The following SMCO2 variants were observed in gnomAD, a reference collection of about 807,000 sequenced individuals.
SMCO2 encodes the protein single-pass membrane protein with coiled-coil domains 2, also known as single-pass membrane and coiled-coil domain-containing protein 2.
SMCO2 carries 25 observed loss-of-function variants against 29.5 expected under a neutral mutation model. The ratio of observed to expected loss-of-function variants is 0.85; its 90% CI spans 0.62 to 1.18. SMCO2 has a LOEUF of 1.18. Ranked by LOEUF, SMCO2 falls within the 50% of genes most tolerant of loss-of-function variation. SMCO2 has a pLI of 0.00. For missense variants in SMCO2, 348 were observed against 344.5 expected, an observed-to-expected ratio of 1.01 and a Z score of -0.08; for synonymous variants, 117 against 123.3, an observed-to-expected ratio of 0.95 and a Z score of 0.34.
chr12:27,494,322 A>G (rs1432211887), exon 6 of SMCO2: 1 of 1,524,782 alleles, frequency 6.6e-7, no homozygotes, highest in East Asian at 2.6e-5. Flanking sequence ...AATGAAGTTT[A>G]TGAATTAAAG....
At chr12:27,448,602 C>A in the SMCO2 span, among the ~76,000 whole-genome samples, 2 of 152,012 alleles carry the variant, frequency 1.3e-5, no homozygotes, top group African/African-American at 2.4e-5. Flanking sequence ...GCTCTGGGAC[C>A]CTTGGGATTA....
At chr12:27,470,564 G>T (rs1949532671) in intron 1 of SMCO2, 58 bp from the exon 2 acceptor site, 15 of 1,523,818 alleles carry the variant, frequency 9.8e-6, no homozygotes, top group Non-Finnish European at 1.2e-5. Flanking sequence ...TCAATGAAGA[G>T]GATGTGGTTG....
intron 6 of SMCO2, 131 bp downstream of exon 7, chr12:27,494,487 TTTATTATTATTATTATTA>T (rs60980302): frequency 2.3e-5 from 4 of 176,494 alleles, no homozygotes; most frequent in African/African-American, 7.6e-5. Context: ...TTTAATTTAA[TTTATTATTATTATTATTA>T]TTATTATTAT....
the SMCO2 span, among the ~76,000 whole-genome samples, chr12:27,438,233 G>A: frequency 2.6e-5 from 4 of 152,056 alleles, no homozygotes; most frequent in African/African-American, 7.2e-5. Context: ...TAACCCGCTG[G>A]CCATTCAAAT....
exon 6 of SMCO2, chr12:27,494,344 A>G (rs2135575803): frequency 6.6e-7 from 1 of 1,525,752 alleles, no homozygotes; most frequent in Non-Finnish European, 8.8e-7. Flanking sequence ...AGAAAGTCAT[A>G]GAAAGGCTGG....
exon 8 of SMCO2, chr12:27,501,973 G>A: frequency 6.5e-7 from 1 of 1,547,242 alleles, no homozygotes; most frequent in South Asian, 1.2e-5. Flanking sequence ...ACCGTCACTG[G>A]ACTTTTATGT....
At chr12:27,458,973 G>A in the SMCO2 span, among the ~76,000 whole-genome samples, 3 of 151,376 alleles carry the variant, frequency 2.0e-5, no homozygotes, top group East Asian at 3.9e-4. Context: ...AGATCACGAT[G>A]TCAGAAGATC....
At chr12:27,499,332 A>C (rs1235841691) in intron 7 of SMCO2, among the ~76,000 whole-genome samples, 1 of 150,884 alleles carries the variant, frequency 6.6e-6, no homozygotes, top group African/African-American at 2.5e-5. Context: ...ACAGCCAGAC[A>C]CAGAGGGATA....
chr12:27,495,777 C>T (rs3751223), exon 7 of SMCO2: 115,045 of 1,538,566 alleles, frequency 0.075, 8,995 homozygotes, highest in East Asian at 0.29. Context: ...GAAATAGATA[C>T]GGAAGAGATG....
At chr12:27,485,940 T>C (rs554164867) in intron 4 of SMCO2, among the ~76,000 whole-genome samples, 6 of 152,224 alleles carry the variant, frequency 3.9e-5, no homozygotes, top group Non-Finnish European at 8.8e-5. Context: ...TTTTGAGGAT[T>C]GCTTTTAATT....
chr12:27,469,252 C>CAGG (rs1949522186), intron 1 of SMCO2, among the ~76,000 whole-genome samples: 1 of 152,102 alleles, frequency 6.6e-6, no homozygotes, highest in African/African-American at 2.4e-5. Context: ...GCAATAGTGA[C>CAGG]CTTCCTGAGG....
At chr12:27,451,043 C>A in the SMCO2 span, among the ~76,000 whole-genome samples, 488 of 152,312 alleles carry the variant, frequency 3.2e-3, 5 homozygotes, top group African/African-American at 0.011. Context: ...TCTCATTCAT[C>A]TTTTCTCATG....
chr12:27,439,481 G>A, the SMCO2 span, among the ~76,000 whole-genome samples: 50 of 152,098 alleles, frequency 3.3e-4, no homozygotes, highest in Middle Eastern at 3.4e-3. Context: ...CCATCACCTC[G>A]CCAAAAAGAC....
the SMCO2 span, among the ~76,000 whole-genome samples, chr12:27,459,359 A>G: frequency 6.6e-6 from 1 of 152,196 alleles, no homozygotes; most frequent in Non-Finnish European, 1.5e-5. Context: ...TCCTATGCAA[A>G]CTAACACAGA....
At chr12:27,428,539 T>A in the SMCO2 span, among the ~76,000 whole-genome samples, 1 of 151,906 alleles carries the variant, frequency 6.6e-6, no homozygotes, top group Admixed American at 6.6e-5. Context: ...CACACCTTTT[T>A]AATGTTAATC....
chr12:27,458,299 A>G, the SMCO2 span, among the ~76,000 whole-genome samples: 3 of 152,192 alleles, frequency 2.0e-5, no homozygotes, highest in Non-Finnish European at 2.9e-5. Context: ...TTTACCAACT[A>G]GTTAATTAAA....
chr12:27,459,186 CAAAAAA>C, the SMCO2 span, among the ~76,000 whole-genome samples: 7,255 of 94,836 alleles, frequency 0.077, 581 homozygotes, highest in African/African-American at 0.24. Flanking sequence ...GACTCCATCT[CAAAAAA>C]AAAAAAAAAA....
intron 4 of SMCO2, among the ~76,000 whole-genome samples, chr12:27,479,133 T>C (rs1949617605): frequency 6.6e-6 from 1 of 150,382 alleles, no homozygotes; most frequent in South Asian, 2.1e-4. Flanking sequence ...AGTGCAGCAA[T>C]AGAATACCAG....
chr12:27,474,924 A>G lies in SMCO2; in HGVS notation c.362+11A>G, dbSNP rs755023857. ...GAACCTCCTTGAACTGTAAGTCTTG[A>G]CACATGCAAGACAGAGCATTTAATA... is the stretch of plus-strand genomic sequence containing the variant. On this transcript the variant is annotated intron_variant, in intron 4 of 7. Coordinates refer to ENST00000298876, the Ensembl canonical transcript of SMCO2. The G allele has an allele frequency of 4.5e-6, 7 of 1,550,516 alleles. No individual in the cohort carries two copies. The highest frequency in any genetic ancestry group is 5.2e-6 in the Non-Finnish European group (6 of 1,146,354).
Sources: gnomAD v4.1 joint callset for allele counts (sites outside exome capture counted in the v4.1 genomes callset) on GRCh38, gnomAD v4.1.1 for gene constraint, MANE v1.5 for transcripts, NCBI Gene and HGNC (gene_info 2026-07-23, HGNC 2026-07-21) for gene names.